Variants in CDK14 observed in about 807,000 individuals in gnomAD.
The protein encoded by CDK14 is cyclin dependent kinase 14.
CDK14 carries 34 observed loss-of-function variants against 60.7 expected under a neutral mutation model. That is an observed-to-expected ratio of 0.56 (90% CI 0.43 to 0.75). The LOEUF (loss-of-function observed/expected upper bound fraction) is 0.75. Among genes scored for constraint, CDK14 ranks in the 30% least tolerant of loss-of-function variants. CDK14 has a pLI of 0.00. For synonymous variants in CDK14, 197 were observed against 203.7 expected (o/e 0.97, Z 0.28); for missense variants, 482 against 564.1 (o/e 0.85, Z 1.47).
chr7:91,209,177 T>C lies in CDK14; in HGVS notation c.*2041T>C, dbSNP rs554168945. 2.2e-4 allele frequency: 34 copies of C among 152,416 alleles called. No individual in the cohort carries two copies. Among genetic ancestry groups the C allele is most frequent in the African/African-American group, 8.2e-4 (34 of 41,578 alleles). 9.4% of individuals were successfully genotyped at this position (152,416 alleles called of 1,614,324 possible). On this transcript the variant is annotated 3_prime_UTR_variant, in exon 15 of 15. Transcript: ENST00000380050. The stretch of plus-strand genomic sequence containing the variant: ...AAATGTTGCTTTTTAATAAGGTTTT[T>C]AACTTGAAAATTTGAAAATATTTAA...
At chr7:90,878,097 A>T (rs976024454) in intron 6 of CDK14, among the ~76,000 whole-genome samples, 8 of 139,448 alleles carry the variant, frequency 5.7e-5, no homozygotes, top group South Asian at 2.4e-4. Context: ...TGTGTGTGAG[A>T]GAGAGAGAGA....
chr7:90,771,840 T>G (rs921358552), intron 4 of CDK14, among the ~76,000 whole-genome samples: 5 of 152,250 alleles, frequency 3.3e-5, no homozygotes, highest in Non-Finnish European at 7.3e-5. Flanking sequence ...AAAATGTCCT[T>G]GGCTTGAAGG....
At chr7:90,692,556 C>A in intron 2 of CDK14, 1 of 243,636 alleles carries the variant, frequency 4.1e-6, no homozygotes, top group Non-Finnish European at 6.6e-6. Flanking sequence ...ATTTACATGC[C>A]ACGTTTGTTT....
intron 9 of CDK14, among the ~76,000 whole-genome samples, chr7:90,982,552 G>T (rs903118968): frequency 6.6e-6 from 1 of 152,164 alleles, no homozygotes; most frequent in East Asian, 1.9e-4. Flanking sequence ...AATGCAAAGA[G>T]GATTGAGAAC....
chr7:90,956,350 AG>A (rs1355547264), intron 9 of CDK14, among the ~76,000 whole-genome samples: 10 of 152,218 alleles, frequency 6.6e-5, no homozygotes, highest in Non-Finnish European at 1.5e-4. Flanking sequence ...CAAATGCTTT[AG>A]CAAAGCTTAA....
intron 8 of CDK14, among the ~76,000 whole-genome samples, chr7:90,938,614 T>C (rs746057943): frequency 1.5e-4 from 23 of 152,188 alleles, no homozygotes; most frequent in Non-Finnish European, 3.1e-4. Context: ...TTTATGATAA[T>C]AATAGTGCAA....
At chr7:90,983,981 A>G (rs1243216674) in intron 9 of CDK14, among the ~76,000 whole-genome samples, 167 bp from the exon 10 acceptor site, 3 of 152,248 alleles carry the variant, frequency 2.0e-5, no homozygotes, top group East Asian at 1.9e-4. Flanking sequence ...TACCCATGTA[A>G]CAAACCTGCA....
chr7:90,964,907 A>C (rs1185994953), intron 9 of CDK14, among the ~76,000 whole-genome samples: 1 of 152,178 alleles, frequency 6.6e-6, no homozygotes, highest in African/African-American at 2.4e-5. Flanking sequence ...CCTGGACTTA[A>C]TAACTGTCTG....
At chr7:91,094,304 C>G (rs1798916391) in intron 12 of CDK14, among the ~76,000 whole-genome samples, 1 of 152,104 alleles carries the variant, frequency 6.6e-6, no homozygotes, top group African/African-American at 2.4e-5. Context: ...GTTTCTCCTA[C>G]CAAAATATTT....
intron 2 of CDK14, among the ~76,000 whole-genome samples, chr7:90,639,956 T>G (rs1376048873): frequency 6.6e-6 from 1 of 152,102 alleles, no homozygotes; most frequent in Admixed American, 6.5e-5. Context: ...ATGCGCCGGT[T>G]TTTAAGCCCG....
At chr7:91,053,592 A>C (rs1054678941) in intron 11 of CDK14, among the ~76,000 whole-genome samples, 1 of 152,142 alleles carries the variant, frequency 6.6e-6, no homozygotes, top group Non-Finnish European at 1.5e-5. Context: ...ATCAGCTCCA[A>C]AATCTCCTCT....
chr7:91,066,362 A>T (rs1319052577), intron 11 of CDK14, among the ~76,000 whole-genome samples: 3 of 151,874 alleles, frequency 2.0e-5, no homozygotes, highest in Middle Eastern at 3.4e-3. Flanking sequence ...GCTCACTCCC[A>T]CTCCTCCCAA....
rs1016990887 is a variant in CDK14, at chr7:91,157,854, G to T, written c.*28+39646G>T. Among the ~76,000 whole-genome samples the T allele has an allele frequency of 2.0e-5, 3 of 152,138 alleles. No individual in the cohort carries two copies. The East Asian group carries it at 5.8e-4, about 29-fold the overall frequency. The stretch of plus-strand genomic sequence containing the variant: ...TATAATGAATAAGCAGTATGTGGTA[G>T]CTGCTGCCCCTGTCATCCAGTGCCG... On this transcript the variant is annotated intron_variant, in intron 14 of 14. Coordinates refer to ENST00000380050, the MANE Select transcript of CDK14 (RefSeq NM_001287135.2).
intron 10 of CDK14, among the ~76,000 whole-genome samples, chr7:91,033,451 C>A (rs984053767): frequency 2.0e-5 from 3 of 152,136 alleles, no homozygotes; most frequent in Non-Finnish European, 1.5e-5. Context: ...TCGAAAAGTC[C>A]AATTAGAATG....
At chr7:90,954,256 A>G (rs1045298734) in intron 8 of CDK14, among the ~76,000 whole-genome samples, 6 of 152,138 alleles carry the variant, frequency 3.9e-5, no homozygotes, top group Admixed American at 6.6e-5. Context: ...TGAAAATGGA[A>G]TGCTACATTT....
At chr7:90,600,982 C>A (rs1352426175) in intron 1 of CDK14, among the ~76,000 whole-genome samples, 1 of 152,134 alleles carries the variant, frequency 6.6e-6, no homozygotes, top group Admixed American at 6.5e-5. Flanking sequence ...GGAAAACAGG[C>A]CAATTAACAG....
intron 2 of CDK14, among the ~76,000 whole-genome samples, chr7:90,701,202 T>G (rs1459084759): frequency 6.6e-6 from 1 of 152,206 alleles, no homozygotes; most frequent in Non-Finnish European, 1.5e-5. Context: ...TAGCTACTTA[T>G]GTGTGGCAGT....
chr7:91,205,148 CAT>C (rs1802850651), intron 14 of CDK14, among the ~76,000 whole-genome samples: 1 of 152,078 alleles, frequency 6.6e-6, no homozygotes, highest in Non-Finnish European at 1.5e-5. Context: ...AAAAGTTAAA[CAT>C]ATAATTTCCA....
chr7:90,660,009 G>A (rs1296391686), intron 2 of CDK14, among the ~76,000 whole-genome samples: 1 of 152,036 alleles, frequency 6.6e-6, no homozygotes, highest in Non-Finnish European at 1.5e-5. Context: ...AAATGGATAA[G>A]GATTGAGCTT....
Sources: allele counts gnomAD v4.1 joint callset (sites outside exome capture counted in the v4.1 genomes callset), GRCh38; gene constraint gnomAD v4.1.1; transcripts MANE v1.5; gene names NCBI Gene and HGNC (gene_info 2026-07-23, HGNC 2026-07-21).